MROH1: variants seen among roughly 807,000 people sequenced by gnomAD.
The protein encoded by MROH1 is maestro heat like repeat family member 1, also known as maestro heat-like repeat-containing protein family member 1.
A neutral mutation model predicts 116.5 loss-of-function variants in MROH1; 117 were observed. The observed-to-expected ratio is 1.00, with a 90% confidence interval of 0.86 to 1.17. MROH1 has a LOEUF of 1.17. Among genes scored for constraint, MROH1 ranks in the 50% most tolerant of loss-of-function variants. The pLI, the probability that MROH1 is intolerant of heterozygous loss-of-function variation, is 0.00. For synonymous variants in MROH1, 921 were observed against 583.9 expected (o/e 1.58, Z -8.32); for missense variants, 1,873 against 1,338.5 (o/e 1.40, Z -6.23).
chr8:144,237,838 C>A (rs1840308588), intron 14 of MROH1, among the ~76,000 whole-genome samples: 1 of 152,244 alleles, frequency 6.6e-6, no homozygotes, highest in Non-Finnish European at 1.5e-5. Flanking sequence ...CAGGCATTGT[C>A]CCCAGTCTGT....
chr8:144,239,777 G>T (rs1313680048), intron 18 of MROH1, 22 bp downstream of exon 18: 17 of 716,748 alleles, frequency 2.4e-5, no homozygotes, highest in Non-Finnish European at 2.9e-5. Context: ...GTCAGGATGG[G>T]GTGCATAGCC....
At chr8:144,240,744 A>C in intron 20 of MROH1, 67 bp downstream of exon 20, 1 of 704,274 alleles carries the variant, frequency 1.4e-6, no homozygotes. Context: ...CGTGTCTGTC[A>C]CTTGCTGTCT....
intron 4 of MROH1, among the ~76,000 whole-genome samples, chr8:144,169,458 AT>A (rs5895786): frequency 2.8e-5 from 4 of 144,682 alleles, no homozygotes; most frequent in Non-Finnish European, 4.5e-5. Flanking sequence ...CATTATTGTT[AT>A]TTTTTTTTTT....
At position 144,247,593 on chromosome 8, in the gene MROH1, G is replaced by A. The variant is rs1263505113; in HGVS notation, c.3034G>A (p.Val1012Met). ...EGFSRDYRDD[V>M]AERLLSLKDG... ...CTTCTCCCGGGACTACCGCGATGAC[G>A]TGGCGGAGCGGCTCCTCAGCCTCAA... Residue 1012 changes from valine (V) to methionine (M), a missense_variant, in exon 31 of 44, where the codon GTG (valine) becomes ATG (methionine). Transcript: ENST00000326134. 4 of 773,502 alleles carry A rather than the reference G, an allele frequency of 5.2e-6. No individual in the cohort carries two copies. The highest frequency in any genetic ancestry group is 9.6e-6 in the Non-Finnish European group (4 of 417,216). The allele number at this position is 773,502 out of a possible 1,614,324, so 47.9% of individuals were successfully genotyped here. A position where few individuals can be genotyped will look rare whatever the true frequency, so the allele number is the denominator to read the frequency against.
rs187113589 is a variant in MROH1 at position 144,229,863 on chromosome 8, G to A, written c.1338+6633G>A. 6.7e-4 allele frequency among the ~76,000 whole-genome samples: 102 copies of A among 151,972 alleles called. 4 individuals are homozygous for A. In the South Asian group the frequency reaches 0.019, roughly 28 times the overall value. On this transcript the variant is annotated intron_variant, in intron 14 of 43. Coordinates refer to ENST00000326134, the MANE Select transcript of MROH1 (RefSeq NM_032450.3). ...AGCCTGGCCAACATGGTGAAACCCC[G>A]TCTCTACTAAAAATACAAAAATTAG... is the stretch of plus-strand genomic sequence containing the variant.
At chr8:144,162,661 T>C (rs1280189465) in intron 2 of MROH1, among the ~76,000 whole-genome samples, 1 of 151,622 alleles carries the variant, frequency 6.6e-6, no homozygotes, top group Admixed American at 6.6e-5. Context: ...CCTCCCAAAG[T>C]GCTGGAATTA....
At chr8:144,249,537 GGAGCCC>G (rs1842486033) in intron 32 of MROH1, among the ~76,000 whole-genome samples, 1 of 152,118 alleles carries the variant, frequency 6.6e-6, no homozygotes, top group Admixed American at 6.5e-5. Flanking sequence ...TCATGAGCAG[GGAGCCC>G]CCTCGTGACA....
At chr8:144,172,442 TG>T (rs1822714962) in intron 4 of MROH1, among the ~76,000 whole-genome samples, 3 of 151,418 alleles carry the variant, frequency 2.0e-5, no homozygotes, top group Admixed American at 2.0e-4. Context: ...GAGGGAGTCT[TG>T]CTCTGTCGCC....
At chr8:144,239,437 G>T in intron 17 of MROH1, 74 bp downstream of exon 17, 2 of 778,968 alleles carry the variant, frequency 2.6e-6, no homozygotes, top group Admixed American at 1.7e-5. Flanking sequence ...CTTGGAAGGG[G>T]TTACCTTCTC....
At chr8:144,164,704 G>A (rs963908891) in intron 3 of MROH1, among the ~76,000 whole-genome samples, 1 of 151,698 alleles carries the variant, frequency 6.6e-6, no homozygotes, top group African/African-American at 2.4e-5. Flanking sequence ...GGCCTGGACT[G>A]ACTGTTGAAT....
intron 36 of MROH1, 137 bp downstream of exon 36, chr8:144,259,051 T>TGGGGCA (rs1440885341): frequency 8.7e-4 from 563 of 645,924 alleles, no homozygotes; most frequent in Non-Finnish European, 1.3e-3. Flanking sequence ...GTTCACTCTC[T>TGGGGCA]GGGGCAGGGG....
chr8:144,176,517 G>A (rs1442657335), intron 4 of MROH1, among the ~76,000 whole-genome samples: 1 of 147,242 alleles, frequency 6.8e-6, no homozygotes, highest in Non-Finnish European at 1.5e-5. Flanking sequence ...CCTGGGTGAT[G>A]GAGTGAGACC....
intron 7 of MROH1, among the ~76,000 whole-genome samples, chr8:144,181,714 AGTGGGT>A (rs1014654229): frequency 9.2e-5 from 14 of 152,098 alleles, no homozygotes; most frequent in Non-Finnish European, 2.1e-4. Flanking sequence ...AGAGAGTGGA[AGTGGGT>A]GTGGGTGTGG....
rs993476172 is a variant in MROH1 at position 144,244,243 on chromosome 8, C to T, written c.2577C>T (p.Asp859=). 2.8e-5 allele frequency: 20 copies of T among 718,082 alleles called. No individual in the cohort carries two copies. Among genetic ancestry groups the T allele is most frequent in the Admixed American group, 4.0e-5 (2 of 50,018 alleles). The allele number at this position is 718,082 out of a possible 1,614,324, so 44.5% of individuals were successfully genotyped here. The change falls in exon 27 of 44, where the codon GAC becomes GAT. Residue 859 remains aspartate, a synonymous_variant. Coordinates refer to ENST00000326134, the MANE Select transcript of MROH1 (RefSeq NM_032450.3). ...TYLVSVEPAL[D]EQARADVIHG... ...TCAGCTCCGTGGAGCCAGCGCTGGA[C>T]GAGCAGGCCCGGGCGGATGTGATCC...
chr8:144,210,209 G>T (rs1296908052), intron 12 of MROH1, among the ~76,000 whole-genome samples: 4 of 150,090 alleles, frequency 2.7e-5, no homozygotes, highest in African/African-American at 9.8e-5. Context: ...GAGCCTGAGA[G>T]GGGCGGATCA....
At chr8:144,177,773 G>A (rs1344788890) in intron 4 of MROH1, among the ~76,000 whole-genome samples, 1 of 8,682 alleles carries the variant, frequency 1.2e-4, no homozygotes, top group Non-Finnish European at 6.3e-3. Flanking sequence ...TTGAAAGCAT[G>A]TGGCTTCTTC....
chr8:144,210,702 A>C lies in MROH1; in HGVS notation c.1142-9898A>C, dbSNP rs117860506. Among the ~76,000 whole-genome samples the C allele has an allele frequency of 2.3e-3, 317 of 135,114 alleles. 1 individual carries two copies. The highest frequency in any genetic ancestry group is 7.9e-3 in the African/African-American group (295 of 37,198). 88.6% of individuals were successfully genotyped at this position (135,114 alleles called of 152,430 possible). On this transcript the variant is annotated intron_variant, in intron 12 of 43. Transcript: ENST00000326134. Reference sequence around the variant, plus strand: ...AGACTCTGTCTCTCTCTCTCTCTCTATCTCTCTATATATATATACATTCAA... The same window carrying C: ...AGACTCTGTCTCTCTCTCTCTCTCTCTCTCTCTATATATATATACATTCAA...
chr8:144,157,113 G>A (rs935454909), intron 1 of MROH1, among the ~76,000 whole-genome samples: 149 of 152,146 alleles, frequency 9.8e-4, no homozygotes, highest in African/African-American at 3.4e-3. Context: ...GCGCCACCAC[G>A]TCCAGCTAAT....
chr8:144,164,346 A>G (rs1016877931), intron 3 of MROH1, among the ~76,000 whole-genome samples: 1 of 148,436 alleles, frequency 6.7e-6, no homozygotes, highest in Non-Finnish European at 1.5e-5. Context: ...CGGAGGTTGC[A>G]GTGAGCCGAG....
Sources: allele counts gnomAD v4.1 joint callset (sites outside exome capture counted in the v4.1 genomes callset), GRCh38; gene constraint gnomAD v4.1.1; transcripts MANE v1.5; gene names NCBI Gene and HGNC (gene_info 2026-07-23, HGNC 2026-07-21).